The following TLN2 variants were observed in gnomAD, a reference collection of about 807,000 sequenced individuals.
TLN2 encodes talin-2.
TLN2 carries 118 observed loss-of-function variants against 294.7 expected under a neutral mutation model. That is an observed-to-expected ratio of 0.40 (90% CI 0.34 to 0.47). The LOEUF is 0.47. Ranked by LOEUF, TLN2 falls within the 20% of genes least tolerant of loss-of-function variation. The pLI is 0.84. For missense variants in TLN2, 3,083 were observed against 3,282.2 expected, an observed-to-expected ratio of 0.94 and a Z score of 1.48; for synonymous variants, 1,431 against 1,304.5, an observed-to-expected ratio of 1.10 and a Z score of -2.09.
At chr15:62,833,346 T>C in intron 54 of TLN2, 158 bp from the exon 55 acceptor site, 1 of 1,162,154 alleles carries the variant, frequency 8.6e-7, no homozygotes, top group South Asian at 1.6e-5. Context: ...GGACCTGTCA[T>C]CTGCTTCTTG....
intron 2 of TLN2, among the ~76,000 whole-genome samples, chr15:62,593,511 T>C (rs546912067): frequency 9.9e-5 from 15 of 152,254 alleles, no homozygotes; most frequent in Admixed American, 3.9e-4. Context: ...TTAATTTCTT[T>C]CCACATTAAG....
Position 62,797,384 on chromosome 15 carries a change from C to T in TLN2, c.6216C>T (p.Ser2072=), listed in dbSNP as rs754880419. 5.6e-6 allele frequency: 9 copies of T among 1,598,276 alleles called. No individual in the cohort carries two copies. The highest frequency in any genetic ancestry group is 4.5e-5 in the East Asian group (2 of 44,400). ...AGCTGGGGGCAGCCAGCCTGGGCTC[C>T]GACGACCCCGAGACCCAGGTACCAG... ...VVKLGAASLG[S]DDPETQVVLI... The change falls in exon 48 of 59, where the codon TCC becomes TCT. Residue 2072 remains serine (S), a synonymous_variant. Transcript: ENST00000636159.
chr15:62,579,196 C>CA (rs1448581684), intron 1 of TLN2, among the ~76,000 whole-genome samples: 2 of 151,782 alleles, frequency 1.3e-5, no homozygotes, highest in Non-Finnish European at 2.9e-5. Flanking sequence ...AGCGAATATG[C>CA]AAAAAAATCA....
chr15:62,556,683 A>G (rs1171263956), intron 1 of TLN2, among the ~76,000 whole-genome samples: 1 of 152,190 alleles, frequency 6.6e-6, no homozygotes, highest in Non-Finnish European at 1.5e-5. Context: ...TCCATTTGCA[A>G]ATATAGAAAG....
intron 54 of TLN2, among the ~76,000 whole-genome samples, chr15:62,823,004 C>G (rs1476641922): frequency 1.3e-5 from 2 of 152,148 alleles, no homozygotes; most frequent in Admixed American, 6.5e-5. Flanking sequence ...CTACAGTACT[C>G]TAGGATCATA....
intron 32 of TLN2, among the ~76,000 whole-genome samples, chr15:62,742,544 C>A (rs141863754): frequency 1.3e-5 from 2 of 152,064 alleles, no homozygotes; most frequent in East Asian, 3.9e-4. Flanking sequence ...GAAACAGAGC[C>A]GGAAAGAATA....
At chr15:62,588,773 A>G (rs1254422870) in intron 1 of TLN2, among the ~76,000 whole-genome samples, 1 of 147,544 alleles carries the variant, frequency 6.8e-6, no homozygotes, top group Non-Finnish European at 1.5e-5. Context: ...GGACTGAGAC[A>G]TGTAGCTAGT....
In TLN2 at chr15:62,406,355, G is replaced by T. The variant is rs190300027; in HGVS notation, c.-238+15670G>T. The stretch of plus-strand genomic sequence containing the variant: ...AGCCCCAAAGTGGGGCTTAGTCCAT[G>T]AGGGTTCTTGGCTTTGCCCAGGAAA... On this transcript the variant is annotated intron_variant, in intron 1 of 58. Coordinates refer to ENST00000636159, the MANE Select transcript of TLN2 (RefSeq NM_015059.3). Among the ~76,000 whole-genome samples, 370 of 152,310 alleles carry T rather than the reference G, an allele frequency of 2.4e-3. 1 individual carries two copies. Among genetic ancestry groups the T allele is most frequent in the African/African-American group, 8.6e-3 (356 of 41,564 alleles).
At chr15:62,706,935 T>C (rs1301977074) in intron 19 of TLN2, 151 bp from the exon 20 acceptor site, 1 of 894,742 alleles carries the variant, frequency 1.1e-6, no homozygotes, top group Non-Finnish European at 1.6e-6. Context: ...TAATTACTTC[T>C]AAGGATAAGT....
chr15:62,657,695 C>T, intron 8 of TLN2, 76 bp from the exon 9 acceptor site: 1 of 1,553,000 alleles, frequency 6.4e-7, no homozygotes, highest in Non-Finnish European at 8.7e-7. Flanking sequence ...GTGTACTGGG[C>T]CATGGGAATG....
chr15:62,706,895 C>T (rs2059108839), intron 19 of TLN2, among the ~76,000 whole-genome samples, 191 bp from the exon 20 acceptor site: 1 of 152,064 alleles, frequency 6.6e-6, no homozygotes, highest in Non-Finnish European at 1.5e-5. Context: ...ATGTAAGAGA[C>T]TGAGTTATTA....
chr15:62,532,053 CTTTTT>C (rs68187150), intron 1 of TLN2, among the ~76,000 whole-genome samples: 1 of 144,766 alleles, frequency 6.9e-6, no homozygotes, highest in African/African-American at 2.5e-5. Context: ...TTTCTCTTTT[CTTTTT>C]TTTTTTTGTG....
At chr15:62,403,414 TTTG>T (rs2033165205) in intron 1 of TLN2, among the ~76,000 whole-genome samples, 1 of 152,178 alleles carries the variant, frequency 6.6e-6, no homozygotes, top group Admixed American at 6.5e-5. Context: ...TTTGCCAATT[TTTG>T]TTTTTTTGTT....
At chr15:62,658,575 G>T (rs887822557) in intron 9 of TLN2, among the ~76,000 whole-genome samples, 1 of 152,166 alleles carries the variant, frequency 6.6e-6, no homozygotes, top group Admixed American at 6.5e-5. Flanking sequence ...ACAAGGTGAC[G>T]CCGTGTCCTG....
At chr15:62,583,011 TA>T (rs1174139534) in intron 1 of TLN2, among the ~76,000 whole-genome samples, 1 of 151,868 alleles carries the variant, frequency 6.6e-6, no homozygotes, top group Non-Finnish European at 1.5e-5. Flanking sequence ...ATTGCCTCCT[TA>T]AAAAAAAGGA....
At chr15:62,680,535 C>T (rs1249841487) in intron 11 of TLN2, among the ~76,000 whole-genome samples, 1 of 149,154 alleles carries the variant, frequency 6.7e-6, no homozygotes, top group Non-Finnish European at 1.5e-5. Flanking sequence ...AAAAAGAGAT[C>T]ACATGCAGAA....
chr15:62,472,095 C>A (rs1215805546), intron 1 of TLN2, among the ~76,000 whole-genome samples: 3 of 152,178 alleles, frequency 2.0e-5, no homozygotes, highest in African/African-American at 7.2e-5. Flanking sequence ...CCTGTTCCCA[C>A]CTTTCCCATG....
At chr15:62,698,481 C>G (rs139355111) in intron 15 of TLN2, among the ~76,000 whole-genome samples, 11 of 152,344 alleles carry the variant, frequency 7.2e-5, no homozygotes, top group African/African-American at 2.6e-4. Flanking sequence ...AGCAAGGACT[C>G]TTCTGAGCCT....
chr15:62,714,696 T>A (rs1332138255), intron 22 of TLN2, among the ~76,000 whole-genome samples: 1 of 152,224 alleles, frequency 6.6e-6, no homozygotes, highest in Non-Finnish European at 1.5e-5. Flanking sequence ...TATTTTAATT[T>A]GCTGAATTTT....
Sources: allele counts gnomAD v4.1 joint callset (sites outside exome capture counted in the v4.1 genomes callset), GRCh38; gene constraint gnomAD v4.1.1; transcripts MANE v1.5; gene names NCBI Gene and HGNC (gene_info 2026-07-23, HGNC 2026-07-21).